Variants in WWOX observed in about 807,000 individuals in gnomAD.
WWOX encodes WW domain containing oxidoreductase, also known as WW domain-containing oxidoreductase.
A neutral mutation model predicts 46.2 loss-of-function variants in WWOX; 69 were observed. The ratio of observed to expected loss-of-function variants is 1.49; its 90% CI spans 1.23 to 1.82. The LOEUF (loss-of-function observed/expected upper bound fraction) is 1.82. Among genes scored for constraint, WWOX ranks in the 40% most tolerant of loss-of-function variants. The pLI, the probability that WWOX is intolerant of heterozygous loss-of-function variation, is 0.00. For synonymous variants in WWOX, 359 were observed against 202.6 expected (o/e 1.77, Z -6.56); for missense variants, 919 against 542.6 (o/e 1.69, Z -6.89).
intron 8 of WWOX, among the ~76,000 whole-genome samples, chr16:79,042,616 C>G (rs996870797): frequency 3.3e-5 from 5 of 152,090 alleles, no homozygotes; most frequent in African/African-American, 1.2e-4. Context: ...ACTATACATG[C>G]AAGCTGTTGG....
chr16:78,730,045 C>T (rs143834229), intron 8 of WWOX, among the ~76,000 whole-genome samples: 7 of 152,236 alleles, frequency 4.6e-5, no homozygotes, highest in Non-Finnish European at 1.0e-4. Context: ...GTAACAGTGA[C>T]TTTGATATAT....
chr16:78,759,939 T>G (rs2049749874), intron 8 of WWOX, among the ~76,000 whole-genome samples: 1 of 152,220 alleles, frequency 6.6e-6, no homozygotes, highest in African/African-American at 2.4e-5. Flanking sequence ...TCACTATCCC[T>G]TCTTTTTTCT....
chr16:78,237,588 C>T (rs1033987867), intron 5 of WWOX: 21 of 152,172 alleles, frequency 1.4e-4, no homozygotes, highest in African/African-American at 5.1e-4. Context: ...TGACCTAGAC[C>T]AGCAGTCACA....
intron 8 of WWOX, among the ~76,000 whole-genome samples, chr16:78,640,143 G>T (rs1469419162): frequency 6.6e-6 from 1 of 151,830 alleles, no homozygotes; most frequent in South Asian, 2.1e-4. Flanking sequence ...TTTGGAGGGA[G>T]GCCGATAGAG....
chr16:78,251,917 T>C (rs2037995165), intron 5 of WWOX, among the ~76,000 whole-genome samples: 1 of 152,212 alleles, frequency 6.6e-6, no homozygotes, highest in African/African-American at 2.4e-5. Context: ...ATTAGCATGG[T>C]TAATTAAGAG....
chr16:78,494,949 A>T (rs1197781844), intron 8 of WWOX, among the ~76,000 whole-genome samples: 1 of 152,114 alleles, frequency 6.6e-6, no homozygotes, highest in South Asian at 2.1e-4. Context: ...GTTGCAACCC[A>T]GCTCACCGCC....
chr16:79,053,310 C>G (rs1440911324), intron 8 of WWOX, among the ~76,000 whole-genome samples: 8 of 152,086 alleles, frequency 5.3e-5, no homozygotes, highest in Non-Finnish European at 8.8e-5. Flanking sequence ...AATTAGAACC[C>G]GAATGAAGCC....
At chr16:79,082,295 C>T (rs1034234821) in intron 8 of WWOX, among the ~76,000 whole-genome samples, 9 of 152,098 alleles carry the variant, frequency 5.9e-5, no homozygotes, top group African/African-American at 2.2e-4. Context: ...GATTTGAGAC[C>T]CGTTTCTGCT....
At chr16:78,855,049 T>A (rs942708806) in intron 8 of WWOX, among the ~76,000 whole-genome samples, 2 of 152,198 alleles carry the variant, frequency 1.3e-5, no homozygotes, top group African/African-American at 4.8e-5. Flanking sequence ...AGGACTATGA[T>A]TGACAGTCTA....
intron 5 of WWOX, among the ~76,000 whole-genome samples, chr16:78,277,471 C>T (rs929779858): frequency 2.0e-5 from 3 of 151,838 alleles, no homozygotes; most frequent in Admixed American, 6.6e-5. Context: ...GAGCTCATAC[C>T]GACATCACAG....
intron 5 of WWOX, among the ~76,000 whole-genome samples, chr16:78,321,138 C>A (rs1416617576): frequency 2.6e-5 from 4 of 151,960 alleles, no homozygotes; most frequent in Non-Finnish European, 5.9e-5. Context: ...CATAAAATTT[C>A]TGTTGCAAAA....
chr16:78,363,115 T>G (rs1442236504), intron 5 of WWOX, among the ~76,000 whole-genome samples: 1 of 152,098 alleles, frequency 6.6e-6, no homozygotes, highest in Non-Finnish European at 1.5e-5. Flanking sequence ...GAAACATCTT[T>G]CCGTCCAGTG....
chr16:78,696,599 G>A (rs977750926), intron 8 of WWOX, among the ~76,000 whole-genome samples: 1 of 152,012 alleles, frequency 6.6e-6, no homozygotes, highest in Non-Finnish European at 1.5e-5. Flanking sequence ...CAGGCACGGT[G>A]TTGCCTGATA....
At chr16:78,630,787 T>C (rs768702786) in intron 8 of WWOX, among the ~76,000 whole-genome samples, 3 of 152,138 alleles carry the variant, frequency 2.0e-5, no homozygotes, top group Non-Finnish European at 2.9e-5. Context: ...CCTGACACAG[T>C]TGTATTCCTA....
At chr16:78,206,999 C>A (rs1373668305) in intron 5 of WWOX, among the ~76,000 whole-genome samples, 1 of 152,122 alleles carries the variant, frequency 6.6e-6, no homozygotes, top group Non-Finnish European at 1.5e-5. Flanking sequence ...TCCTTGTTAT[C>A]CTCATTTTGG....
chr16:78,341,668 G>A lies in WWOX; in HGVS notation c.517-45192G>A, dbSNP rs180816617. Among the ~76,000 whole-genome samples, 9 of 120,070 alleles carry A rather than the reference G, an allele frequency of 7.5e-5. 1 individual carries two copies. Among genetic ancestry groups the A allele is most frequent in the African/African-American group, 2.5e-4 (9 of 35,534 alleles). The allele number at this position is 120,070 out of a possible 152,430, so 78.8% of individuals were successfully genotyped here. ...GCAACATGCAGGAGAAACCTCCTGG[G>A]AAAGGTGAGCAAGAGCACACAGGTG... On this transcript the variant is annotated intron_variant, in intron 5 of 8. Coordinates refer to ENST00000566780, the MANE Select transcript of WWOX (RefSeq NM_016373.4).
intron 8 of WWOX, among the ~76,000 whole-genome samples, chr16:79,161,845 T>G (rs1293508616): frequency 1.3e-5 from 2 of 152,174 alleles, no homozygotes; most frequent in Non-Finnish European, 2.9e-5. Flanking sequence ...AAGAAATGCT[T>G]TTTCTGTCAC....
Position 78,793,198 on chromosome 16 carries a change from A to G in WWOX, c.1056+360446A>G, listed in dbSNP as rs897619550. Reference sequence around the variant, plus strand: ...AGTGATCTTCACACCTCAGCCTCCCAAGTAACTGGGACCACAATGCCCAGC... The same window carrying G: ...AGTGATCTTCACACCTCAGCCTCCCGAGTAACTGGGACCACAATGCCCAGC... On this transcript the variant is annotated intron_variant, in intron 8 of 8. Coordinates refer to ENST00000566780, the MANE Select transcript of WWOX (RefSeq NM_016373.4). Among the ~76,000 whole-genome samples, 12 of 152,124 alleles carry G rather than the reference A, an allele frequency of 7.9e-5. No individual in the cohort carries two copies. The South Asian group carries it at 1.0e-3, about 13-fold the overall frequency.
intron 3 of WWOX, among the ~76,000 whole-genome samples, chr16:78,112,239 G>T (rs1234350221): frequency 6.6e-6 from 1 of 152,102 alleles, no homozygotes; most frequent in East Asian, 1.9e-4. Context: ...TATTTTTCTA[G>T]CATTTTCACT....
Sources: gnomAD v4.1 joint callset for allele counts (sites outside exome capture counted in the v4.1 genomes callset) on GRCh38, gnomAD v4.1.1 for gene constraint, MANE v1.5 for transcripts, NCBI Gene and HGNC (gene_info 2026-07-23, HGNC 2026-07-21) for gene names.